RABGEF1: variants seen among roughly 807,000 people sequenced by gnomAD.
RABGEF1 encodes the protein rab5 GDP/GTP exchange factor.
Under a neutral mutation model 57.3 loss-of-function variants are expected in RABGEF1, and 26 were observed. That is an observed-to-expected ratio of 0.45 (90% confidence interval 0.33 to 0.63). The LOEUF is 0.63. RABGEF1 is among the 20% of genes least tolerant of loss of function. RABGEF1 has a pLI of 0.02. For missense variants in RABGEF1, 464 were observed against 607.6 expected (o/e 0.76, Z 2.48); for synonymous variants, 185 against 210.7 (o/e 0.88, Z 1.06).
intron 1 of RABGEF1, among the ~76,000 whole-genome samples, chr7:66,691,615 C>T (rs1383254570): frequency 6.6e-6 from 1 of 152,006 alleles, no homozygotes. Flanking sequence ...CTTCAAGTAC[C>T]CATAAAACCC....
chr7:66,670,926 T>C, the RABGEF1 span, among the ~76,000 whole-genome samples: 2,571 of 136,562 alleles, frequency 0.019, 80 homozygotes, highest in African/African-American at 0.062. Flanking sequence ...CACACACACA[T>C]ATGTGCTCTG....
intron 2 of RABGEF1, chr7:66,773,912 C>A: frequency 2.4e-6 from 1 of 411,126 alleles, no homozygotes; most frequent in Non-Finnish European, 4.8e-6. Flanking sequence ...GTGATCCGGC[C>A]GCCTTGGCCT....
chr7:66,808,672 A>G (rs1272413382), intron 8 of RABGEF1, among the ~76,000 whole-genome samples: 2 of 152,176 alleles, frequency 1.3e-5, no homozygotes, highest in African/African-American at 4.8e-5. Flanking sequence ...GGCTGCACCC[A>G]GACATCGGCC....
chr7:66,732,710 G>A (rs549840079), intron 2 of RABGEF1, among the ~76,000 whole-genome samples: 2 of 151,618 alleles, frequency 1.3e-5, no homozygotes, highest in African/African-American at 4.8e-5. Context: ...TCTCTCTCTC[G>A]CTCACTCTCT....
chr7:66,747,285 T>C (rs951188149), intron 1 of RABGEF1, among the ~76,000 whole-genome samples: 17 of 152,184 alleles, frequency 1.1e-4, no homozygotes, highest in African/African-American at 3.4e-4. Context: ...TTTCCCCCAG[T>C]AACAGTGAGC....
intron 5 of RABGEF1, among the ~76,000 whole-genome samples, chr7:66,795,838 G>A (rs1813897348): frequency 6.6e-6 from 1 of 152,174 alleles, no homozygotes; most frequent in African/African-American, 2.4e-5. Context: ...CAGGGCTGGA[G>A]CTGACGAAAA....
At chr7:66,789,408 T>C (rs914642268) in intron 4 of RABGEF1, among the ~76,000 whole-genome samples, 2 of 151,994 alleles carry the variant, frequency 1.3e-5, no homozygotes, top group African/African-American at 4.8e-5. Flanking sequence ...TGAGGCCGGG[T>C]GCGGTGGCTT....
chr7:66,767,105 C>A (rs368160674), intron 1 of RABGEF1, among the ~76,000 whole-genome samples: 1 of 150,532 alleles, frequency 6.6e-6, no homozygotes, highest in African/African-American at 2.4e-5. Context: ...CCGGTTCATG[C>A]GATTCTTGTG....
At chr7:66,745,191 C>CAA (rs199909175) in intron 1 of RABGEF1, among the ~76,000 whole-genome samples, 1 of 133,264 alleles carries the variant, frequency 7.5e-6, no homozygotes, top group South Asian at 2.4e-4. Context: ...GACTCCATCT[C>CAA]AAAAAAAAAA....
the RABGEF1 span, among the ~76,000 whole-genome samples, chr7:66,660,886 T>G: frequency 6.6e-6 from 1 of 152,220 alleles, no homozygotes; most frequent in Admixed American, 6.5e-5. Context: ...AGAAAACAAC[T>G]GACCAATATT....
chr7:66,725,121 C>T (rs962295858), intron 2 of RABGEF1, among the ~76,000 whole-genome samples: 3 of 152,034 alleles, frequency 2.0e-5, no homozygotes, highest in Non-Finnish European at 4.4e-5. Context: ...GGGTCTGTTT[C>T]GATTATTATT....
intron 1 of RABGEF1, chr7:66,755,907 G>A (rs571483096): frequency 4.3e-4 from 242 of 557,946 alleles, no homozygotes; most frequent in Non-Finnish European, 6.9e-4. Flanking sequence ...CCAAGCTAAC[G>A]TTTGGACAAA....
chr7:66,782,883 A>G (rs1209283343), intron 3 of RABGEF1, among the ~76,000 whole-genome samples: 1 of 152,246 alleles, frequency 6.6e-6, no homozygotes, highest in African/African-American at 2.4e-5. Flanking sequence ...ATTAGAGAGC[A>G]TAGTTCAAAA....
the RABGEF1 span, among the ~76,000 whole-genome samples, chr7:66,671,969 A>G: frequency 6.6e-6 from 1 of 151,730 alleles, no homozygotes; most frequent in Non-Finnish European, 1.5e-5. Flanking sequence ...GGTGCACACC[A>G]CCACGCCTGG....
At chr7:66,807,253 AC>A (rs954030794) in intron 8 of RABGEF1, among the ~76,000 whole-genome samples, 4 of 152,056 alleles carry the variant, frequency 2.6e-5, no homozygotes, top group Admixed American at 2.0e-4. Flanking sequence ...TGTCTCCTAC[AC>A]CCATTGCTCC....
the RABGEF1 span, among the ~76,000 whole-genome samples, chr7:66,666,469 G>A: frequency 6.6e-6 from 1 of 152,252 alleles, no homozygotes; most frequent in Non-Finnish European, 1.5e-5. Flanking sequence ...AGGCCGAAGT[G>A]AGCCAGGCGG....
chr7:66,705,037 T>G (rs1315122114), intron 1 of RABGEF1, among the ~76,000 whole-genome samples: 1 of 152,142 alleles, frequency 6.6e-6, no homozygotes, highest in African/African-American at 2.4e-5. Flanking sequence ...ATTTCATTTT[T>G]GGGAGAGCTG....
At chr7:66,756,545 C>A (rs1474610216) in intron 1 of RABGEF1, among the ~76,000 whole-genome samples, 1 of 152,120 alleles carries the variant, frequency 6.6e-6, no homozygotes, top group East Asian at 1.9e-4. Flanking sequence ...TAATAAAATA[C>A]TTCATTGTCC....
chr7:66,654,882 C>G, the RABGEF1 span, among the ~76,000 whole-genome samples: 90 of 152,380 alleles, frequency 5.9e-4, no homozygotes, highest in Non-Finnish European at 9.8e-4. Flanking sequence ...GTGCTCGTTG[C>G]CGGCATCTCC....
Sources: gnomAD v4.1 joint callset for allele counts (sites outside exome capture counted in the v4.1 genomes callset) on GRCh38, gnomAD v4.1.1 for gene constraint, MANE v1.5 for transcripts, NCBI Gene and HGNC (gene_info 2026-07-23, HGNC 2026-07-21) for gene names.